Variants in FAM53A observed in about 807,000 individuals in gnomAD.
FAM53A encodes family with sequence similarity 53 member A.
Under a neutral mutation model 26.6 loss-of-function variants are expected in FAM53A, and 28 were observed. That is an observed-to-expected ratio of 1.05 (90% CI 0.78 to 1.45). The LOEUF (loss-of-function observed/expected upper bound fraction) is 1.45, where lower values mean the gene tolerates loss of function less well. Ranked by LOEUF, FAM53A falls within the 40% of genes most tolerant of loss-of-function variation. The pLI, the probability that FAM53A is intolerant of heterozygous loss-of-function variation, is 0.00. For missense variants in FAM53A, 650 were observed against 575.8 expected (o/e 1.13, Z -1.32); for synonymous variants, 290 against 253.1 (o/e 1.15, Z -1.38).
intron 4 of FAM53A, among the ~76,000 whole-genome samples, chr4:1,648,051 T>C (rs1172059315): frequency 6.6e-6 from 1 of 151,802 alleles, no homozygotes; most frequent in Non-Finnish European, 1.5e-5. Context: ...TCTTAAAAAA[T>C]TGAGAATATT....
At chr4:1,598,229 G>T in the FAM53A span, among the ~76,000 whole-genome samples, 1 of 152,266 alleles carries the variant, frequency 6.6e-6, no homozygotes, top group Non-Finnish European at 1.5e-5. Flanking sequence ...GCTCCACCGA[G>T]GCCCTGGGCG....
upstream of FAM53A, among the ~76,000 whole-genome samples, chr4:1,684,903 T>G (rs1157087976): frequency 2.0e-5 from 3 of 152,176 alleles, no homozygotes; most frequent in Non-Finnish European, 4.4e-5. Flanking sequence ...GGGGCCTGGT[T>G]CCGTCCGAGC....
chr4:1,672,078 G>A (rs925908928), intron 1 of FAM53A, among the ~76,000 whole-genome samples: 1 of 150,932 alleles, frequency 6.6e-6, no homozygotes, highest in Non-Finnish European at 1.5e-5. Context: ...CACAGACCCA[G>A]AACCCACGAA....
chr4:1,623,124 G>A (rs28361395), intron 1 of FAM53A, among the ~76,000 whole-genome samples: 11,149 of 152,290 alleles, frequency 0.073, 710 homozygotes, highest in East Asian at 0.21. Context: ...CCCACGCTGA[G>A]CAGCAGAAAG....
At chr4:1,602,646 G>A in the FAM53A span, among the ~76,000 whole-genome samples, 3 of 152,248 alleles carry the variant, frequency 2.0e-5, no homozygotes, top group African/African-American at 7.2e-5. Flanking sequence ...AATTATTTCA[G>A]GTCTGGGTGG....
At chr4:1,620,321 G>A (rs1222192991) in intron 1 of FAM53A, among the ~76,000 whole-genome samples, 1 of 152,024 alleles carries the variant, frequency 6.6e-6, no homozygotes, top group Non-Finnish European at 1.5e-5. Flanking sequence ...GGAAGGAAAT[G>A]GCCCCTCCTC....
the FAM53A span, among the ~76,000 whole-genome samples, chr4:1,612,434 C>A: frequency 6.6e-6 from 1 of 152,180 alleles, no homozygotes; most frequent in Non-Finnish European, 1.5e-5. Context: ...TCAGCCAGCA[C>A]GCTCGAGGGG....
At chr4:1,669,058 C>A (rs746503468) in intron 1 of FAM53A, among the ~76,000 whole-genome samples, 153 bp from the exon 2 acceptor site, 6 of 152,196 alleles carry the variant, frequency 3.9e-5, no homozygotes, top group Admixed American at 6.5e-5. Flanking sequence ...CGCGAGTTCT[C>A]TTCTGGAAAA....
chr4:1,585,901 G>C, the FAM53A span, among the ~76,000 whole-genome samples: 1 of 152,080 alleles, frequency 6.6e-6, no homozygotes, highest in Non-Finnish European at 1.5e-5. Context: ...ATTTGTGTGT[G>C]TGTGTGTGTA....
downstream of FAM53A, among the ~76,000 whole-genome samples, chr4:1,617,094 A>AGCACTGCACTCCAGCCATATACT (rs1553798164): frequency 6.7e-6 from 1 of 149,462 alleles, no homozygotes; most frequent in Admixed American, 6.6e-5. Flanking sequence ...CTGAGATAGC[A>AGCACTGCACTCCAGCCATATACT]CCACTGCACT....
chr4:1,590,162 C>T, the FAM53A span, among the ~76,000 whole-genome samples: 5 of 152,248 alleles, frequency 3.3e-5, no homozygotes, highest in South Asian at 1.0e-3. Context: ...GATTTTTCTT[C>T]CCAGATATCT....
chr4:1,662,649 CAAAAA>C (rs34936313), intron 2 of FAM53A, among the ~76,000 whole-genome samples: 3 of 104,504 alleles, frequency 2.9e-5, no homozygotes, highest in Admixed American at 9.8e-5. Flanking sequence ...GGCCCTGTCT[CAAAAA>C]AAAAAAAAAA....
chr4:1,622,831 A>G (rs1290935064), intron 1 of FAM53A, among the ~76,000 whole-genome samples: 2 of 152,166 alleles, frequency 1.3e-5, no homozygotes, highest in Non-Finnish European at 2.9e-5. Flanking sequence ...CTGAGGCCAG[A>G]AGCAACCACC....
At chr4:1,603,924 A>G in the FAM53A span, among the ~76,000 whole-genome samples, 85,435 of 152,060 alleles carry the variant, frequency 0.56, 24,515 homozygotes, top group African/African-American at 0.63. Flanking sequence ...TCGGGGCGAC[A>G]GGGCCAAGGC....
chr4:1,619,000 C>T (rs767118905), intron 1 of FAM53A, among the ~76,000 whole-genome samples: 3 of 152,332 alleles, frequency 2.0e-5, no homozygotes, highest in African/African-American at 4.8e-5. Flanking sequence ...GCCAACAAGA[C>T]GGGGAAGGGG....
At chr4:1,670,787 G>C (rs917182522) in intron 1 of FAM53A, among the ~76,000 whole-genome samples, 1 of 152,188 alleles carries the variant, frequency 6.6e-6, no homozygotes, top group African/African-American at 2.4e-5. Context: ...GCACAAATCA[G>C]AGCCAGCCAC....
rs999142065 is a variant in FAM53A, at chr4:1,646,815, G to C, written c.883-5208C>G. ...GGTGACCCAGCTGCAGGGCCACATAGGAAGCTGTTTCTTTCTCTGCAGCAG... is the reference window on the plus strand; with the variant it reads ...GGTGACCCAGCTGCAGGGCCACATACGAAGCTGTTTCTTTCTCTGCAGCAG... On this transcript the variant is annotated intron_variant, in intron 4 of 4. Coordinates refer to ENST00000308132, the MANE Select transcript of FAM53A (RefSeq NM_001174070.3). Among the ~76,000 whole-genome samples, 189 of 152,268 alleles carry C rather than the reference G, an allele frequency of 1.2e-3. 1 individual carries two copies. Among genetic ancestry groups the C allele is most frequent in the Non-Finnish European group, 5.6e-4 (38 of 68,030 alleles).
rs76851841 is a variant in FAM53A at position 1,646,744 on chromosome 4, C to A, written c.883-5137G>T. Among the ~76,000 whole-genome samples, 1,095 of 152,318 alleles carry A rather than the reference C, an allele frequency of 7.2e-3. 11 individuals carry two copies. The highest frequency in any genetic ancestry group is 0.024 in the African/African-American group (991 of 41,558). On this transcript the variant is annotated intron_variant, in intron 4 of 4. Transcript: ENST00000308132. ...TAGGTTCTAGCCCATGATGTAACTG[C>A]TGGCCCCAAAGCTGCCTGCCTGTCT... is the stretch of plus-strand genomic sequence containing the variant.
intron 2 of FAM53A, among the ~76,000 whole-genome samples, chr4:1,664,098 C>T (rs900445279): frequency 6.6e-6 from 1 of 152,136 alleles, no homozygotes; most frequent in Non-Finnish European, 1.5e-5. Flanking sequence ...ATCTGGACTC[C>T]CTGAACAAAT....
Sources: gnomAD v4.1 joint callset for allele counts (sites outside exome capture counted in the v4.1 genomes callset) on GRCh38, gnomAD v4.1.1 for gene constraint, MANE v1.5 for transcripts, NCBI Gene and HGNC (gene_info 2026-07-23, HGNC 2026-07-21) for gene names.